The following FILIP1L variants were observed in gnomAD, a reference collection of about 807,000 sequenced individuals.
FILIP1L encodes filamin A interacting protein 1 like, also known as filamin A-interacting protein 1-like.
FILIP1L carries 55 observed loss-of-function variants against 96.6 expected under a neutral mutation model. That is an observed-to-expected ratio of 0.57 (90% CI 0.46 to 0.71). The LOEUF (loss-of-function observed/expected upper bound fraction) is 0.71. FILIP1L is among the 30% of genes least tolerant of loss of function. The probability of loss-of-function intolerance (pLI) is 0.00; values close to 1 mark genes in which losing one functional copy is unlikely to be tolerated. For synonymous variants in FILIP1L, 467 were observed against 473.9 expected, an observed-to-expected ratio of 0.99 and a Z score of 0.19; for missense variants, 1,304 against 1,321.2, an observed-to-expected ratio of 0.99 and a Z score of 0.20.
At chr3:99,966,842 T>G (rs4928149) in intron 1 of FILIP1L, among the ~76,000 whole-genome samples, 2 of 152,096 alleles carry the variant, frequency 1.3e-5, no homozygotes, top group South Asian at 2.1e-4. Flanking sequence ...CTTGAACGAC[T>G]TAGAGATTTA....
At chr3:99,982,477 A>G (rs973488470) in intron 1 of FILIP1L, among the ~76,000 whole-genome samples, 7 of 152,008 alleles carry the variant, frequency 4.6e-5, no homozygotes, top group Non-Finnish European at 7.4e-5. Context: ...AATGGCTGGG[A>G]CTACAGGCAC....
intron 4 of FILIP1L, among the ~76,000 whole-genome samples, chr3:99,914,720 C>T (rs1346538609): frequency 6.6e-6 from 1 of 152,138 alleles, no homozygotes; most frequent in Non-Finnish European, 1.5e-5. Context: ...TATAAGAATT[C>T]TAAAACAATA....
intron 4 of FILIP1L, among the ~76,000 whole-genome samples, chr3:99,890,257 T>C (rs1052399370): frequency 6.6e-6 from 1 of 152,144 alleles, no homozygotes; most frequent in African/African-American, 2.4e-5. Flanking sequence ...GTCATTCCTT[T>C]TTTCCCTGGC....
At chr3:100,100,965 G>A (rs923694069) in intron 1 of FILIP1L, among the ~76,000 whole-genome samples, 2 of 152,022 alleles carry the variant, frequency 1.3e-5, no homozygotes, top group African/African-American at 4.8e-5. Context: ...TTTAGCCCAG[G>A]TATATGGAGA....
intron 1 of FILIP1L, among the ~76,000 whole-genome samples, chr3:99,972,929 A>G (rs1264957768): frequency 1.3e-5 from 2 of 152,252 alleles, no homozygotes; most frequent in African/African-American, 4.8e-5. Flanking sequence ...GGAAGTAAAC[A>G]CATCAGCAAA....
intron 1 of FILIP1L, among the ~76,000 whole-genome samples, chr3:100,000,605 T>G (rs1709814827): frequency 6.6e-6 from 1 of 152,208 alleles, no homozygotes; most frequent in Non-Finnish European, 1.5e-5. Context: ...ATTCCAGCAC[T>G]TTGGGAGGCC....
At chr3:99,857,765 A>G (rs1271661298) in intron 4 of FILIP1L, among the ~76,000 whole-genome samples, 1 of 152,222 alleles carries the variant, frequency 6.6e-6, no homozygotes, top group Non-Finnish European at 1.5e-5. Context: ...GTAAATAGAG[A>G]ATAACTTCAG....
chr3:99,872,182 G>C (rs754018900), intron 4 of FILIP1L, among the ~76,000 whole-genome samples: 1 of 151,458 alleles, frequency 6.6e-6, no homozygotes, highest in Non-Finnish European at 1.5e-5. Context: ...GTGGACATCA[G>C]TTTCTTCTGT....
At chr3:99,839,678 GA>G (rs767444521) in intron 5 of FILIP1L, among the ~76,000 whole-genome samples, 17 of 152,180 alleles carry the variant, frequency 1.1e-4, no homozygotes, top group Non-Finnish European at 2.5e-4. Context: ...AGGTATCTTT[GA>G]AAGAGACAGA....
Position 100,017,080 on chromosome 3 carries a change from C to T in FILIP1L, c.-10-86050G>A, listed in dbSNP as rs192897101. 4.6e-5 allele frequency among the ~76,000 whole-genome samples: 7 copies of T among 152,270 alleles called. No individual in the cohort carries two copies. The East Asian group carries it at 9.6e-4, about 21-fold the overall frequency. ...TGTGTATAATTCTTCATAAAGACTT[C>T]TATAGCACCTCATTTTGATATTTTT... On this transcript the variant is annotated intron_variant, in intron 1 of 5. Coordinates refer to ENST00000477258, the MANE Select transcript of FILIP1L (RefSeq NM_001387850.1).
At chr3:99,966,728 G>T (rs1258552030) in intron 1 of FILIP1L, among the ~76,000 whole-genome samples, 1 of 152,224 alleles carries the variant, frequency 6.6e-6, no homozygotes, top group Non-Finnish European at 1.5e-5. Flanking sequence ...AATGTAGTGT[G>T]TCAGATTTGA....
chr3:99,905,077 T>C (rs930386512), intron 4 of FILIP1L, among the ~76,000 whole-genome samples: 1 of 152,232 alleles, frequency 6.6e-6, no homozygotes, highest in Admixed American at 6.5e-5. Flanking sequence ...GCCTGGTGAC[T>C]CCCACTGGTC....
At chr3:100,106,118 G>A (rs1331751612) in intron 1 of FILIP1L, among the ~76,000 whole-genome samples, 1 of 152,062 alleles carries the variant, frequency 6.6e-6, no homozygotes, top group Non-Finnish European at 1.5e-5. Flanking sequence ...ACTGTCAATG[G>A]TAGACTAGGA....
At chr3:100,058,054 G>T (rs2065495739) in intron 1 of FILIP1L, among the ~76,000 whole-genome samples, 1 of 152,146 alleles carries the variant, frequency 6.6e-6, no homozygotes, top group Admixed American at 6.5e-5. Flanking sequence ...AGTAATCCCA[G>T]GCAATATGCA....
chr3:99,859,857 T>G (rs1016698455), intron 4 of FILIP1L, among the ~76,000 whole-genome samples: 2 of 152,202 alleles, frequency 1.3e-5, no homozygotes, highest in African/African-American at 4.8e-5. Flanking sequence ...GTCTAAATTT[T>G]AAGAGCACTC....
At chr3:100,065,609 A>G (rs1397338283) in intron 1 of FILIP1L, among the ~76,000 whole-genome samples, 1 of 152,200 alleles carries the variant, frequency 6.6e-6, no homozygotes, top group Non-Finnish European at 1.5e-5. Flanking sequence ...TGAAAAAAGT[A>G]TTCACTTTAA....
At chr3:100,012,867 A>C (rs1251838747) in intron 1 of FILIP1L, among the ~76,000 whole-genome samples, 1 of 148,494 alleles carries the variant, frequency 6.7e-6, no homozygotes. Flanking sequence ...TCCACCTCCC[A>C]GGCTCAAGCA....
intron 1 of FILIP1L, among the ~76,000 whole-genome samples, chr3:100,073,913 G>T (rs187127520): frequency 2.0e-5 from 3 of 152,226 alleles, no homozygotes; most frequent in Non-Finnish European, 4.4e-5. Flanking sequence ...ATTGCCCACT[G>T]AAGTTTTCAC....
At chr3:99,875,522 T>A (rs1289232603) in intron 4 of FILIP1L, among the ~76,000 whole-genome samples, 1 of 152,228 alleles carries the variant, frequency 6.6e-6, no homozygotes, top group African/African-American at 2.4e-5. Flanking sequence ...TACGACAAAA[T>A]AGCGTTTGTA....
Sources: allele counts gnomAD v4.1 joint callset (sites outside exome capture counted in the v4.1 genomes callset), GRCh38; gene constraint gnomAD v4.1.1; transcripts MANE v1.5; gene names NCBI Gene and HGNC (gene_info 2026-07-23, HGNC 2026-07-21).